SRBD1: variants seen among roughly 807,000 people sequenced by gnomAD.
SRBD1 encodes the protein S1 RNA-binding domain-containing protein 1.
A neutral mutation model predicts 115.3 loss-of-function variants in SRBD1; 88 were observed. The ratio of observed to expected loss-of-function variants is 0.76; its 90% CI spans 0.64 to 0.91. SRBD1 has a LOEUF of 0.91. SRBD1 is among the 40% of genes least tolerant of loss of function. The probability of loss-of-function intolerance (pLI) is 0.00; values close to 1 mark genes in which losing one functional copy is unlikely to be tolerated. For synonymous variants in SRBD1, 509 were observed against 407.7 expected, an observed-to-expected ratio of 1.25 and a Z score of -2.99; for missense variants, 1,385 against 1,177.4, an observed-to-expected ratio of 1.18 and a Z score of -2.58.
At chr2:45,550,340 C>G (rs993723209) in intron 12 of SRBD1, among the ~76,000 whole-genome samples, 1 of 151,798 alleles carries the variant, frequency 6.6e-6, no homozygotes, top group African/African-American at 2.4e-5. Flanking sequence ...ACAAGAAAAC[C>G]CATACATACA....
chr2:45,479,027 A>C (rs895823955), intron 15 of SRBD1, among the ~76,000 whole-genome samples: 1 of 152,154 alleles, frequency 6.6e-6, no homozygotes, highest in Non-Finnish European at 1.5e-5. Flanking sequence ...TGTTATGATA[A>C]TCTGTGACCA....
At chr2:45,530,898 C>T (rs1191562765) in intron 14 of SRBD1, among the ~76,000 whole-genome samples, 4 of 151,926 alleles carry the variant, frequency 2.6e-5, no homozygotes, top group South Asian at 2.1e-4. Flanking sequence ...CCTAAGAGTT[C>T]GAGATCAGCC....
chr2:45,468,596 T>C (rs1177292612), intron 16 of SRBD1, among the ~76,000 whole-genome samples: 1 of 152,098 alleles, frequency 6.6e-6, no homozygotes, highest in Non-Finnish European at 1.5e-5. Flanking sequence ...ACTATGTCAC[T>C]CAGGCTGTCT....
At chr2:45,519,583 T>C (rs1235540630) in intron 14 of SRBD1, among the ~76,000 whole-genome samples, 1 of 152,232 alleles carries the variant, frequency 6.6e-6, no homozygotes, top group Non-Finnish European at 1.5e-5. Context: ...TCAACATTCT[T>C]ACATTATATT....
chr2:45,450,779 G>A (rs901892368), intron 16 of SRBD1, among the ~76,000 whole-genome samples: 1 of 152,072 alleles, frequency 6.6e-6, no homozygotes, highest in African/African-American at 2.4e-5. Context: ...TTCAGATGCA[G>A]GGTTCTATTT....
intron 16 of SRBD1, among the ~76,000 whole-genome samples, chr2:45,455,630 C>T (rs974812577): frequency 4.0e-5 from 6 of 151,816 alleles, no homozygotes; most frequent in Non-Finnish European, 8.8e-5. Context: ...TTCCCTGTCA[C>T]CCCCCTTCTG....
At chr2:45,470,280 G>T (rs1669606668) in intron 16 of SRBD1, among the ~76,000 whole-genome samples, 1 of 152,026 alleles carries the variant, frequency 6.6e-6, no homozygotes, top group African/African-American at 2.4e-5. Context: ...AGGAATGAAA[G>T]AAAATGCAAA....
chr2:45,609,094 A>G (rs918312220), intron 1 of SRBD1, among the ~76,000 whole-genome samples: 1 of 152,194 alleles, frequency 6.6e-6, no homozygotes, highest in Non-Finnish European at 1.5e-5. Flanking sequence ...AGTGTGAGCC[A>G]TGGCGCCTGG....
chr2:45,411,198 T>A (rs1667591771), intron 19 of SRBD1, among the ~76,000 whole-genome samples: 1 of 152,188 alleles, frequency 6.6e-6, no homozygotes, highest in Non-Finnish European at 1.5e-5. Context: ...GTCTGCTGGA[T>A]AATCTGCTGC....
rs1203081643 is a variant in SRBD1, at chr2:45,392,937, C to A, written c.2698+8G>T. ...GCAAGGTGCTATAATTCAAGTTCAA[C>A]TGTTTACCTGTTCGAAAGTCAAAGC... is the stretch of plus-strand genomic sequence containing the variant. On this transcript the variant is annotated splice_region_variant and intron_variant, in intron 20 of 20. Transcript: ENST00000263736. 2.5e-6 allele frequency: 4 copies of A among 1,595,864 alleles called. No individual in the cohort carries two copies. In the South Asian group the frequency reaches 3.4e-5, roughly 14 times the overall value.
At chr2:45,482,347 G>GA (rs1268106060) in intron 15 of SRBD1, among the ~76,000 whole-genome samples, 1 of 151,884 alleles carries the variant, frequency 6.6e-6, no homozygotes, top group East Asian at 1.9e-4. Flanking sequence ...CAAGTCAAAT[G>GA]AAAAAATAAC....
chr2:45,572,777 C>T (rs1327038222), intron 9 of SRBD1, among the ~76,000 whole-genome samples: 2 of 152,004 alleles, frequency 1.3e-5, no homozygotes, highest in South Asian at 2.1e-4. Flanking sequence ...AATTAGTAAA[C>T]TGAAAAATGA....
intron 14 of SRBD1, among the ~76,000 whole-genome samples, chr2:45,527,213 C>G (rs1353777021): frequency 1.3e-5 from 2 of 151,786 alleles, no homozygotes; most frequent in African/African-American, 4.8e-5. Flanking sequence ...AGTTTTAAAT[C>G]AATTCAAATT....
At chr2:45,390,207 C>A (rs1022257716) in intron 20 of SRBD1, among the ~76,000 whole-genome samples, 8 of 152,262 alleles carry the variant, frequency 5.3e-5, no homozygotes, top group African/African-American at 1.9e-4. Context: ...GAATCCCAGA[C>A]CAGGTAGTAT....
chr2:45,478,712 G>A (rs1669875158), intron 15 of SRBD1, among the ~76,000 whole-genome samples: 1 of 152,140 alleles, frequency 6.6e-6, no homozygotes, highest in Non-Finnish European at 1.5e-5. Context: ...ACATTTAAAT[G>A]TGTAATGCAA....
intron 3 of SRBD1, among the ~76,000 whole-genome samples, chr2:45,600,675 A>G (rs565187391): frequency 6.6e-6 from 1 of 152,306 alleles, no homozygotes; most frequent in East Asian, 1.9e-4. Flanking sequence ...AATCCAAGTG[A>G]CAGCTCAAGT....
chr2:45,562,696 C>G lies in SRBD1; in HGVS notation c.1366G>C (p.Asp456His). 1 of 1,612,608 alleles carries G rather than the reference C, an allele frequency of 6.2e-7. No individual in the cohort carries two copies. The highest frequency in any genetic ancestry group is 8.5e-7 in the Non-Finnish European group (1 of 1,179,676). ...KVLTVKVNIS[D>H]GVKDEFCRWC... ...CTACAGAATTCATCCTTCACTCCAT[C>G]AGAAATATTGACCTTAACCGTCAGT... The change falls in exon 10 of 21, where the codon GAT (aspartate) becomes CAT (histidine). Residue 456 changes from aspartate (D) to histidine (H), a missense_variant. Coordinates refer to ENST00000263736, the MANE Select transcript of SRBD1 (RefSeq NM_018079.5).
intron 15 of SRBD1, among the ~76,000 whole-genome samples, chr2:45,487,915 G>A (rs543179392): frequency 1.9e-4 from 29 of 152,186 alleles, no homozygotes; most frequent in Middle Eastern, 6.8e-3. Flanking sequence ...GCCTCCCAAA[G>A]TGCTGGGATT....
chr2:45,547,454 A>T, intron 13 of SRBD1, 68 bp downstream of exon 13: 1 of 1,372,104 alleles, frequency 7.3e-7, no homozygotes, highest in Non-Finnish European at 1.0e-6. Context: ...CCTCCAAATT[A>T]GGGGCTTCAA....
Sources: gnomAD v4.1 joint callset for allele counts (sites outside exome capture counted in the v4.1 genomes callset) on GRCh38, gnomAD v4.1.1 for gene constraint, MANE v1.5 for transcripts, NCBI Gene and HGNC (gene_info 2026-07-23, HGNC 2026-07-21) for gene names.